The following PSMA6 variants were observed in gnomAD, a reference collection of about 807,000 sequenced individuals.
PSMA6 encodes the protein proteasome subunit alpha type-6.
For synonymous variants in PSMA6, 88 were observed against 97.7 expected (o/e 0.90, Z 0.59); for missense variants, 170 against 294.8 (o/e 0.58, Z 3.10).
intron 1 of PSMA6, 43 bp from the exon 2 acceptor site, chr14:35,307,951 C>A: frequency 6.4e-7 from 1 of 1,560,784 alleles, no homozygotes; most frequent in Non-Finnish European, 8.8e-7. Flanking sequence ...CAAGAATCTA[C>A]AGTAATTTAT....
chr14:35,298,795 G>A lies in PSMA6; in HGVS notation c.76+6243G>A, dbSNP rs931014222. On this transcript the variant is annotated intron_variant, in intron 1 of 6. Transcript: ENST00000261479. ...GTTGCCCAGGCTGGAGTACAGTGGTGCAATCTCAGATCACTATAACTTCCG... is the reference window on the plus strand; with the variant it reads ...GTTGCCCAGGCTGGAGTACAGTGGTACAATCTCAGATCACTATAACTTCCG... Among the ~76,000 whole-genome samples the A allele has an allele frequency of 3.9e-5, 6 of 152,148 alleles. No individual in the cohort carries two copies. The South Asian group carries it at 1.2e-3, about 32-fold the overall frequency.
chr14:35,308,211 C>G lies in PSMA6; in HGVS notation c.171+123C>G, dbSNP rs764056413. On this transcript the variant is annotated intron_variant, in intron 2 of 6. Transcript: ENST00000261479. ...CTGAGGTGGGCAGATCACCTTAGAT[C>G]GGGAGTTCTAGACCAGCGTGACCAA... 12 of 1,317,744 alleles carry G rather than the reference C, an allele frequency of 9.1e-6. No homozygotes were observed. The South Asian group carries it at 1.5e-4, about 16-fold the overall frequency. The allele number at this position is 1,317,744 out of a possible 1,614,324, so 81.6% of individuals were successfully genotyped here. A position where few individuals can be genotyped will look rare whatever the true frequency, so the allele number is the denominator to read the frequency against.
chr14:35,280,130 C>CAA (rs1258960847), intron 1 of PSMA6, among the ~76,000 whole-genome samples: 2 of 112,270 alleles, frequency 1.8e-5, no homozygotes, highest in African/African-American at 3.3e-5. Flanking sequence ...GACTCCGTCT[C>CAA]AAAAAAAAAA....
upstream of PSMA6, among the ~76,000 whole-genome samples, chr14:35,289,196 T>C (rs910165124): frequency 3.3e-5 from 5 of 152,176 alleles, no homozygotes; most frequent in Non-Finnish European, 5.9e-5. Context: ...TCAACTAATA[T>C]TTATTGAGCA....
chr14:35,292,716 C>A (rs2051509266), intron 1 of PSMA6, 164 bp downstream of exon 1: 1 of 1,302,860 alleles, frequency 7.7e-7, no homozygotes. Context: ...TTTGCACCCC[C>A]GTCTGGACGC....
chr14:35,293,536 A>G (rs2051528364), intron 1 of PSMA6, among the ~76,000 whole-genome samples: 1 of 152,182 alleles, frequency 6.6e-6, no homozygotes, highest in Admixed American at 6.5e-5. Context: ...AATCATAAGG[A>G]GAGAGTTGGT....
chr14:35,285,267 G>A (rs2051407888), intron 1 of PSMA6, among the ~76,000 whole-genome samples: 1 of 151,496 alleles, frequency 6.6e-6, no homozygotes, highest in African/African-American at 2.4e-5. Flanking sequence ...GATCGCCTGG[G>A]AGGCAGAGGT....
upstream of PSMA6, among the ~76,000 whole-genome samples, chr14:35,291,834 A>AG (rs1294397577): frequency 1.4e-4 from 21 of 150,232 alleles, 1 homozygote; most frequent in African/African-American, 4.9e-4. Context: ...AAAAAAAAAA[A>AG]AAAAAAAAAA....
At chr14:35,291,823 CAAAAAAA>C (rs113987343), upstream of PSMA6, among the ~76,000 whole-genome samples, 11 of 47,736 alleles carry the variant, frequency 2.3e-4, no homozygotes, top group South Asian at 1.4e-3. Context: ...AACTCTGTCT[CAAAAAAA>C]AAAAAAAAAA....
chr14:35,305,060 A>C (rs1316841339), intron 1 of PSMA6, among the ~76,000 whole-genome samples: 2 of 152,182 alleles, frequency 1.3e-5, no homozygotes, highest in South Asian at 4.1e-4. Context: ...GTGACAGAGC[A>C]AGATGCTGTC....
At chr14:35,303,930 G>A (rs2051769674) in intron 1 of PSMA6, among the ~76,000 whole-genome samples, 1 of 149,656 alleles carries the variant, frequency 6.7e-6, no homozygotes, top group African/African-American at 2.5e-5. Context: ...TTTAAACGGA[G>A]TCTCACTCAT....
At chr14:35,287,507 T>C (rs1476996810), upstream of PSMA6, among the ~76,000 whole-genome samples, 1 of 152,124 alleles carries the variant, frequency 6.6e-6, no homozygotes. Flanking sequence ...TTAAACACCA[T>C]GTGATTCAGC....
At chr14:35,289,342 T>C (rs1412767468), upstream of PSMA6, among the ~76,000 whole-genome samples, 1 of 152,090 alleles carries the variant, frequency 6.6e-6, no homozygotes, top group Non-Finnish European at 1.5e-5. Context: ...TGATTTTTTT[T>C]TTTTTGAGAC....
At chr14:35,309,191 TAGAATTAG>T (rs1239387324) in intron 3 of PSMA6, among the ~76,000 whole-genome samples, 196 bp downstream of exon 3, 1 of 152,234 alleles carries the variant, frequency 6.6e-6, no homozygotes, top group Non-Finnish European at 1.5e-5. Flanking sequence ...ATACCTATAA[TAGAATTAG>T]ATGCTTATGC....
intron 6 of PSMA6, chr14:35,315,404 A>G (rs1445540846): frequency 1.3e-5 from 2 of 152,104 alleles, no homozygotes; most frequent in Non-Finnish European, 2.9e-5. Flanking sequence ...TTTAAAAAAA[A>G]AAAAACAGCT....
At chr14:35,291,405 A>G (rs1173111413), upstream of PSMA6, among the ~76,000 whole-genome samples, 1 of 152,038 alleles carries the variant, frequency 6.6e-6, no homozygotes, top group Non-Finnish European at 1.5e-5. Flanking sequence ...ATTTTTTAGT[A>G]GAGACGGGGT....
rs528117102 is a variant in PSMA6, at chr14:35,293,398, C to T, written c.76+846C>T. 57 of 165,742 alleles carry T rather than the reference C, an allele frequency of 3.4e-4. 1 individual carries two copies. The South Asian group carries it at 5.1e-3, about 15-fold the overall frequency. 10.3% of individuals were successfully genotyped at this position (165,742 alleles called of 1,614,324 possible). A position where few individuals can be genotyped will look rare whatever the true frequency, so the allele number is the denominator to read the frequency against. On this transcript the variant is annotated intron_variant, in intron 1 of 6. Coordinates refer to ENST00000261479, the MANE Select transcript of PSMA6 (RefSeq NM_002791.3). Reference sequence around the variant, plus strand: ...TTAGGTTATGATTATAAGCCAGACCCTTGATCTCTTACCATAGAGAATTTA... The same window carrying T: ...TTAGGTTATGATTATAAGCCAGACCTTTGATCTCTTACCATAGAGAATTTA...
intron 2 of PSMA6, 140 bp downstream of exon 2, chr14:35,308,228 C>T (rs532631534): frequency 2.8e-6 from 3 of 1,059,456 alleles, no homozygotes; most frequent in Admixed American, 3.0e-5. Flanking sequence ...TCTAGACCAG[C>T]GTGACCAACA....
chr14:35,291,052 C>T (rs1280319793), upstream of PSMA6, among the ~76,000 whole-genome samples: 1 of 151,416 alleles, frequency 6.6e-6, no homozygotes, highest in Non-Finnish European at 1.5e-5. Context: ...AGTGCAGTGG[C>T]GTGATCATAG....
Sources: gnomAD v4.1 joint callset for allele counts (sites outside exome capture counted in the v4.1 genomes callset) on GRCh38, gnomAD v4.1.1 for gene constraint, MANE v1.5 for transcripts, NCBI Gene and HGNC (gene_info 2026-07-23, HGNC 2026-07-21) for gene names.